ANLN: variants seen among roughly 807,000 people sequenced by gnomAD.
The protein encoded by ANLN is anillin.
ANLN carries 59 observed loss-of-function variants against 135.1 expected under a neutral mutation model. That is an observed-to-expected ratio of 0.44 (90% CI 0.35 to 0.54). The LOEUF (loss-of-function observed/expected upper bound fraction) is 0.54, where lower values mean the gene tolerates loss of function less well. Ranked by LOEUF, ANLN falls within the 20% of genes least tolerant of loss-of-function variation. The pLI is 0.00. For missense variants in ANLN, 1,182 were observed against 1,340.0 expected (o/e 0.88, Z 1.84); for synonymous variants, 406 against 456.4 (o/e 0.89, Z 1.41).
chr7:36,399,692 G>A (rs1241045503), intron 3 of ANLN, among the ~76,000 whole-genome samples: 2 of 152,150 alleles, frequency 1.3e-5, no homozygotes, highest in Non-Finnish European at 2.9e-5. Context: ...TGTTAGCATT[G>A]CTGACCCTCA....
chr7:36,443,031 T>TA (rs1181843101), intron 21 of ANLN, among the ~76,000 whole-genome samples: 1 of 152,150 alleles, frequency 6.6e-6, no homozygotes, highest in Non-Finnish European at 1.5e-5. Context: ...GAAAAACTCT[T>TA]AGCTTCTACT....
rs373467730 is a variant in ANLN at position 36,421,421 on chromosome 7, T to G, written c.2164-436T>G. On this transcript the variant is annotated intron_variant, in intron 12 of 23. Transcript: ENST00000265748. ...AAAATAGAGATGGAGTCTCACTATG[T>G]TTTCTAGGCTGATCTCACACTCCTG... Among the ~76,000 whole-genome samples, 26 of 152,198 alleles carry G rather than the reference T, an allele frequency of 1.7e-4. No homozygotes were observed. In the East Asian group the frequency reaches 3.7e-3, roughly 21 times the overall value.
intron 20 of ANLN, among the ~76,000 whole-genome samples, chr7:36,437,172 C>T (rs1788581564): frequency 6.6e-6 from 1 of 152,198 alleles, no homozygotes; most frequent in Non-Finnish European, 1.5e-5. Context: ...CTGGCAGCCA[C>T]CACTGTAGTT....
chr7:36,445,161 C>CTTTTTTTTTTTTTTTTTTTTTTTTTTTTT (rs70977145), intron 22 of ANLN, among the ~76,000 whole-genome samples: 1 of 57,786 alleles, frequency 1.7e-5, no homozygotes, highest in Non-Finnish European at 3.2e-5. Flanking sequence ...ATTTGGGATT[C>CTTTTTTTTTTTTTTTTTTTTTTTTTTTTT]TTTTTTTTTT....
chr7:36,399,003 G>C, intron 2 of ANLN, 76 bp from the exon 3 acceptor site: 1 of 1,178,618 alleles, frequency 8.5e-7, no homozygotes, highest in East Asian at 2.4e-5. Flanking sequence ...TTATTAATTT[G>C]TTGAGTATCT....
intron 5 of ANLN, 82 bp downstream of exon 5, chr7:36,408,038 A>G (rs1787264928): frequency 9.0e-7 from 1 of 1,115,608 alleles, no homozygotes; most frequent in Non-Finnish European, 1.3e-6. Context: ...TCAATTGTGA[A>G]TGGTACAGCA....
At chr7:36,420,082 A>T in intron 10 of ANLN, 87 bp from the exon 11 acceptor site, 1 of 1,331,078 alleles carries the variant, frequency 7.5e-7, no homozygotes. Context: ...TTTTTTCTTA[A>T]TATTAATGGA....
chr7:36,396,123 C>A, intron 1 of ANLN, 143 bp from the exon 2 acceptor site: 1 of 547,216 alleles, frequency 1.8e-6, no homozygotes, highest in Non-Finnish European at 3.0e-6. Context: ...TTTAGTGAAT[C>A]TTGACATAAT....
chr7:36,411,059 G>A lies in ANLN; in HGVS notation c.1288G>A (p.Glu430Lys). The A allele has an allele frequency of 6.2e-7, 1 of 1,603,962 alleles. No individual in the cohort carries two copies. The highest frequency in any genetic ancestry group is 8.5e-7 in the Non-Finnish European group (1 of 1,177,684). The change falls in exon 7 of 24, where the codon GAA becomes AAA. Residue 430 changes from glutamate (E) to lysine (K), a missense_variant and splice_region_variant. Glu to Lys is a moderately conservative substitution (Grantham distance 56). Coordinates refer to ENST00000265748, the MANE Select transcript of ANLN (RefSeq NM_018685.5). The part of the protein sequence containing the change: ...TTHLAQQLKQ[E>K]RQKELACLRG... ...AAAATACAGCTTTTGATGGGTTTAG[G>A]AACGTCAAAAAGAACTAGCATGTCT...
chr7:36,442,693 G>A (rs771689337), intron 21 of ANLN, among the ~76,000 whole-genome samples: 2 of 151,860 alleles, frequency 1.3e-5, no homozygotes, highest in Non-Finnish European at 2.9e-5. Context: ...ATGCAGTGAC[G>A]TGATCTTGGC....
intron 7 of ANLN, among the ~76,000 whole-genome samples, chr7:36,411,988 T>G (rs1232704002): frequency 6.6e-6 from 1 of 152,144 alleles, no homozygotes; most frequent in Non-Finnish European, 1.5e-5. Context: ...AAGCCTGCTA[T>G]GCTTTGCTGT....
At chr7:36,406,597 CCTTTT>C (rs760565285) in intron 4 of ANLN, 31 bp downstream of exon 4, 2 of 1,464,864 alleles carry the variant, frequency 1.4e-6, no homozygotes, top group Non-Finnish European at 1.8e-6. Flanking sequence ...TCTTTGGAAG[CCTTTT>C]CTTTTTTCGT....
At position 36,410,665 on chromosome 7, in the gene ANLN, A is replaced by G. The variant is rs371667311; in HGVS notation, c.1248A>G (p.Thr416=). ...AIQERLFKQD[T]SSSTTHLAQQ... ...AAGAAAGATTATTCAAGCAAGACAC[A>G]TCTTCATCTACTACCCATTTAGCAC... Residue 416 remains threonine (T), a synonymous_variant, in exon 6 of 24, where the codon ACA becomes ACG. Coordinates refer to ENST00000265748, the MANE Select transcript of ANLN (RefSeq NM_018685.5). 1.5e-5 allele frequency: 25 copies of G among 1,614,122 alleles called. No homozygotes were observed. In the East Asian group the frequency reaches 1.8e-4, roughly 12 times the overall value.
At chr7:36,437,628 T>C (rs1788598971) in intron 20 of ANLN, among the ~76,000 whole-genome samples, 1 of 152,166 alleles carries the variant, frequency 6.6e-6, no homozygotes, top group Non-Finnish European at 1.5e-5. Context: ...TGAAAGGTTT[T>C]TAATTCTGGT....
At chr7:36,441,890 TC>T (rs1465616911) in intron 21 of ANLN, among the ~76,000 whole-genome samples, 1 of 152,206 alleles carries the variant, frequency 6.6e-6, no homozygotes, top group Non-Finnish European at 1.5e-5. Flanking sequence ...CTTTCTTTCT[TC>T]CTTGGGGAGC....
rs1373046778 is a variant in ANLN, at chr7:36,407,025, A to G, written c.873+459A>G. Among the ~76,000 whole-genome samples the G allele has an allele frequency of 3.3e-5, 5 of 152,356 alleles. No homozygotes were observed. The East Asian group carries it at 7.7e-4, about 23-fold the overall frequency. ...TACTTTCACTGTATATCCTTTTGAAATGTTTGAAACTTTTACTTTGTGCAT... is the reference window on the plus strand; with the variant it reads ...TACTTTCACTGTATATCCTTTTGAAGTGTTTGAAACTTTTACTTTGTGCAT... On this transcript the variant is annotated intron_variant, in intron 4 of 23. Transcript: ENST00000265748.
At chr7:36,409,118 G>T (rs1787307949) in intron 5 of ANLN, among the ~76,000 whole-genome samples, 1 of 152,204 alleles carries the variant, frequency 6.6e-6, no homozygotes, top group African/African-American at 2.4e-5. Flanking sequence ...TCCCCAGATG[G>T]AATAGGACTA....
At chr7:36,418,268 G>T (rs961852227) in intron 9 of ANLN, among the ~76,000 whole-genome samples, 24 of 152,174 alleles carry the variant, frequency 1.6e-4, no homozygotes, top group African/African-American at 5.8e-4. Flanking sequence ...AGGGTATGAG[G>T]CTGGATCCTC....
rs1179116668 is a variant in ANLN at position 36,390,001 on chromosome 7, C to T, written c.-26C>T. The stretch of plus-strand genomic sequence containing the variant: ...CCTGAATTTGAACCACCGTTTCCAT[C>T]GTCTCGTAGTCCGACGCCTGGGGCG... On this transcript the variant is annotated 5_prime_UTR_variant, in exon 1 of 24. Coordinates refer to ENST00000265748, the MANE Select transcript of ANLN (RefSeq NM_018685.5). 2 of 1,614,138 alleles carry T rather than the reference C, an allele frequency of 1.2e-6. No individual in the cohort carries two copies. The highest frequency in any genetic ancestry group is 1.7e-6 in the Non-Finnish European group (2 of 1,179,972).
Sources: gnomAD v4.1 joint callset for allele counts (sites outside exome capture counted in the v4.1 genomes callset) on GRCh38, gnomAD v4.1.1 for gene constraint, MANE v1.5 for transcripts, NCBI Gene and HGNC (gene_info 2026-07-23, HGNC 2026-07-21) for gene names.